DCP1A: variants seen among roughly 807,000 people sequenced by gnomAD.
The protein encoded by DCP1A is decapping mRNA 1A.
DCP1A carries 20 observed loss-of-function variants against 58.0 expected under a neutral mutation model. The ratio of observed to expected loss-of-function variants is 0.34; its 90% CI spans 0.24 to 0.50. DCP1A has a LOEUF of 0.50. DCP1A is among the 20% of genes least tolerant of loss of function. The pLI is 0.98. For missense variants in DCP1A, 613 were observed against 712.2 expected (o/e 0.86, Z 1.59); for synonymous variants, 285 against 275.1 (o/e 1.04, Z -0.36).
At chr3:53,334,841 T>G (rs1386708881) in intron 3 of DCP1A, among the ~76,000 whole-genome samples, 1 of 152,140 alleles carries the variant, frequency 6.6e-6, no homozygotes, top group Admixed American at 6.6e-5. Context: ...AGCAAGAATC[T>G]GGGGAGACAA....
intron 3 of DCP1A, among the ~76,000 whole-genome samples, chr3:53,339,041 A>T (rs559554546): frequency 6.6e-6 from 1 of 152,312 alleles, no homozygotes; most frequent in South Asian, 2.1e-4. Context: ...ATTTCCCACA[A>T]GAGAATGGCA....
chr3:53,330,270 T>C (rs985876727), intron 3 of DCP1A, among the ~76,000 whole-genome samples: 2 of 152,128 alleles, frequency 1.3e-5, no homozygotes, highest in Non-Finnish European at 2.9e-5. Context: ...GCAGTGGCTA[T>C]AGTGTAATCC....
chr3:53,331,262 A>G (rs576160848), intron 3 of DCP1A, among the ~76,000 whole-genome samples: 36 of 152,340 alleles, frequency 2.4e-4, no homozygotes, highest in African/African-American at 8.7e-4. Context: ...AATACTTTCA[A>G]TTAACCAGGT....
chr3:53,341,475 GTAA>G lies in DCP1A; in HGVS notation c.304+666_304+668del, dbSNP rs2089201978. Among the ~76,000 whole-genome samples the G allele has an allele frequency of 3.3e-5, 5 of 151,982 alleles. No individual in the cohort carries two copies. The South Asian group carries it at 1.0e-3, about 32-fold the overall frequency. Reference sequence around the variant, plus strand: ...TCTCAAAAAAAAGAAAATAATAATAGTAATAATAATACTTTCTTTGTGGAAAGA... The same window carrying G: ...TCTCAAAAAAAAGAAAATAATAATAGTAATAATACTTTCTTTGTGGAAAGA... On this transcript the variant is annotated intron_variant, in intron 3 of 9. Transcript: ENST00000610213.
chr3:53,290,436 G>T (rs1234666792), intron 8 of DCP1A, among the ~76,000 whole-genome samples: 1 of 152,014 alleles, frequency 6.6e-6, no homozygotes, highest in Admixed American at 6.6e-5. Flanking sequence ...CACAGTCAGG[G>T]AAGATATCCA....
chr3:53,292,947 G>T, intron 6 of DCP1A, 120 bp from the exon 7 acceptor site: 1 of 1,049,994 alleles, frequency 9.5e-7, no homozygotes, highest in Non-Finnish European at 1.4e-6. Flanking sequence ...TCAAAATAAG[G>T]AACGGAAAAA....
At chr3:53,336,845 G>GATTGATTTATTTATTT (rs150269227) in intron 3 of DCP1A, among the ~76,000 whole-genome samples, 2 of 144,212 alleles carry the variant, frequency 1.4e-5, no homozygotes, top group African/African-American at 5.1e-5. Flanking sequence ...CCAAAGCCCA[G>GATTGATTTATTTATTT]ATTTATTTAT....
chr3:53,310,143 A>G (rs1575604019), intron 5 of DCP1A, among the ~76,000 whole-genome samples: 3 of 152,354 alleles, frequency 2.0e-5, no homozygotes, highest in East Asian at 3.9e-4. Context: ...GATAAAGTAA[A>G]TATCAAAGAT....
chr3:53,304,172 C>A lies in DCP1A; in HGVS notation c.624+5G>T. On this transcript the variant is annotated splice_donor_5th_base_variant and intron_variant, in intron 6 of 9. Transcript: ENST00000610213. ...GGACAAAGCTAGAGCTTTAGCTGTA[C>A]AAACCTTATCCTGTGACCCGGAGGG... 6.2e-7 allele frequency: 1 copy of A among 1,603,104 alleles called. No homozygotes were observed. Among genetic ancestry groups the A allele is most frequent in the Non-Finnish European group, 8.5e-7 (1 of 1,171,056 alleles).
chr3:53,327,569 C>A (rs1419918222), intron 3 of DCP1A, among the ~76,000 whole-genome samples: 5 of 152,050 alleles, frequency 3.3e-5, no homozygotes, highest in African/African-American at 4.8e-5. Flanking sequence ...GTGGGTGGAT[C>A]ACTTGAGGCC....
intron 7 of DCP1A, 41 bp downstream of exon 7, chr3:53,292,028 A>G: frequency 6.4e-7 from 1 of 1,555,640 alleles, no homozygotes; most frequent in Non-Finnish European, 8.7e-7. Flanking sequence ...CCATCCAGTT[A>G]CAGTTACCCA....
intron 6 of DCP1A, among the ~76,000 whole-genome samples, chr3:53,300,701 GC>G (rs1244776960): frequency 1.3e-5 from 2 of 152,104 alleles, no homozygotes; most frequent in Non-Finnish European, 2.9e-5. Flanking sequence ...AGGCTGGAGT[GC>G]AGTGGTGCGA....
intron 4 of DCP1A, among the ~76,000 whole-genome samples, chr3:53,315,614 T>A (rs1400957932): frequency 6.7e-6 from 1 of 150,214 alleles, no homozygotes; most frequent in African/African-American, 2.4e-5. Context: ...CTAAGTTTAG[T>A]GGGTTTTCAA....
chr3:53,342,742 A>C (rs1181339983), intron 2 of DCP1A, among the ~76,000 whole-genome samples: 1 of 152,130 alleles, frequency 6.6e-6, no homozygotes, highest in Admixed American at 6.5e-5. Flanking sequence ...TAATGCTCCC[A>C]AGCTCAATAT....
intron 6 of DCP1A, among the ~76,000 whole-genome samples, chr3:53,300,426 C>T (rs1175803782): frequency 4.0e-5 from 6 of 151,802 alleles, no homozygotes; most frequent in Non-Finnish European, 7.4e-5. Flanking sequence ...CAACCTCCGC[C>T]TCCCGGGTTC....
At chr3:53,290,903 T>C in intron 7 of DCP1A, 47 bp from the exon 8 acceptor site, 1 of 1,477,220 alleles carries the variant, frequency 6.8e-7, no homozygotes, top group Non-Finnish European at 9.3e-7. Flanking sequence ...GAAGTTTCAA[T>C]TAAGAAGACT....
At chr3:53,306,445 G>A (rs1419540166) in intron 5 of DCP1A, among the ~76,000 whole-genome samples, 1 of 152,058 alleles carries the variant, frequency 6.6e-6, no homozygotes, top group Non-Finnish European at 1.5e-5. Flanking sequence ...TTAAAAAGTT[G>A]GGGCTGGAAG....
rs1706564895 is a variant in DCP1A, at chr3:53,284,628, C to T, written c.*2952G>A. 6.9e-6 allele frequency: 1 copy of T among 145,812 alleles called. No homozygotes were observed. Among genetic ancestry groups the T allele is most frequent in the African/African-American group, 2.5e-5 (1 of 39,534 alleles). The allele number at this position is 145,812 out of a possible 1,614,324, so 9.0% of individuals were successfully genotyped here. ...CTTGGCTCACTGCAACCTCTGCCTC[C>T]CGGGTTCAAGTGATTCTCCTGCCTC... On this transcript the variant is annotated 3_prime_UTR_variant, in exon 10 of 10. Transcript: ENST00000610213.
rs1706716099 is a variant in DCP1A at position 53,288,186 on chromosome 3, T to C, written c.1547A>G (p.Asp516Gly). ...AGGGGAGCTGGCTTTCCTCTCAAGG[T>C]CCGAAGATCTTGTAACTGTCTGCTG... ...VFQQTVTRSS[D>G]LERKASSPSP... is the part of the protein sequence containing the mutation. The change falls in exon 9 of 10, where the codon GAC becomes GGC. Residue 516 changes from aspartate to glycine, a missense_variant. By Grantham distance (94) the Asp-to-Gly change is moderately conservative. This residue lies in a region of DCP1A where 498 missense variants were observed against 556.7 expected (regional missense o/e 0.89). Coordinates refer to ENST00000610213, the MANE Select transcript of DCP1A (RefSeq NM_018403.7). The C allele has an allele frequency of 1.9e-6, 3 of 1,613,992 alleles. No individual in the cohort carries two copies. In the African/African-American group the frequency reaches 4.0e-5, roughly 22 times the overall value.
Sources: gnomAD v4.1 joint callset for allele counts (sites outside exome capture counted in the v4.1 genomes callset) on GRCh38, gnomAD v4.1.1 for gene constraint, gnomAD v4.1.1 regional missense constraint, MANE v1.5 for transcripts, NCBI Gene and HGNC (gene_info 2026-07-23, HGNC 2026-07-21) for gene names.